The following SLX4IP variants were observed in gnomAD, a reference collection of about 807,000 sequenced individuals.
SLX4IP encodes the protein protein SLX4IP.
SLX4IP carries 34 observed loss-of-function variants against 32.9 expected under a neutral mutation model. The observed-to-expected ratio is 1.03, with a 90% CI of 0.79 to 1.38. SLX4IP has a LOEUF of 1.38. Among genes scored for constraint, SLX4IP ranks in the 40% most tolerant of loss-of-function variants. The pLI is 0.00. For missense variants in SLX4IP, 444 were observed against 479.0 expected (o/e 0.93, Z 0.68); for synonymous variants, 172 against 171.7 (o/e 1.00, Z -0.01).
chr20:10,457,657 G>A (rs1222769069), intron 1 of SLX4IP, among the ~76,000 whole-genome samples: 2 of 152,020 alleles, frequency 1.3e-5, no homozygotes, highest in East Asian at 3.8e-4. Context: ...ACATTGATGT[G>A]TGGTTTTCTT....
At chr20:10,455,157 C>A (rs963040122) in intron 1 of SLX4IP, among the ~76,000 whole-genome samples, 1 of 152,096 alleles carries the variant, frequency 6.6e-6, no homozygotes, top group Non-Finnish European at 1.5e-5. Flanking sequence ...GTATGATTTG[C>A]AGATTTTTTT....
chr20:10,493,327 T>C (rs928915709), intron 2 of SLX4IP, among the ~76,000 whole-genome samples: 5 of 152,214 alleles, frequency 3.3e-5, no homozygotes, highest in Admixed American at 2.0e-4. Context: ...TAGGTCTGTT[T>C]CCAGGCATTT....
chr20:10,575,728 A>G (rs1568749948), intron 4 of SLX4IP, among the ~76,000 whole-genome samples: 1 of 151,866 alleles, frequency 6.6e-6, no homozygotes, highest in Non-Finnish European at 1.5e-5. Context: ...TACTTGTAGC[A>G]TTCACCAGCT....
At chr20:10,468,382 C>T (rs1288919520) in intron 2 of SLX4IP, among the ~76,000 whole-genome samples, 1 of 152,172 alleles carries the variant, frequency 6.6e-6, no homozygotes, top group Non-Finnish European at 1.5e-5. Context: ...ACATCATATT[C>T]ATCATGTTAC....
chr20:10,534,184 G>T (rs1171931674), intron 2 of SLX4IP, among the ~76,000 whole-genome samples: 2 of 152,100 alleles, frequency 1.3e-5, no homozygotes, highest in Admixed American at 1.3e-4. Context: ...GAGAGGATTT[G>T]TAAGGCCCTG....
chr20:10,552,121 G>A (rs1192272512), intron 2 of SLX4IP, among the ~76,000 whole-genome samples: 2 of 152,246 alleles, frequency 1.3e-5, no homozygotes, highest in Admixed American at 6.5e-5. Context: ...TCCTCTGGGT[G>A]GAGGGGATAG....
chr20:10,623,531 G>A lies in SLX4IP; in HGVS notation c.*152G>A. 1 of 1,199,630 alleles carries A rather than the reference G, an allele frequency of 8.3e-7. No individual in the cohort carries two copies. The highest frequency in any genetic ancestry group is 1.1e-6 in the Non-Finnish European group (1 of 885,470). The allele number at this position is 1,199,630 out of a possible 1,614,324, so 74.3% of individuals were successfully genotyped here. On this transcript the variant is annotated 3_prime_UTR_variant, in exon 8 of 8. Transcript: ENST00000334534. ...GTTATCTGTGTTATGGCTATGGTTT[G>A]TTTTCAAAGCATTTCAAACCGGGAG...
At chr20:10,543,576 A>G (rs1362719291) in intron 2 of SLX4IP, among the ~76,000 whole-genome samples, 1 of 152,242 alleles carries the variant, frequency 6.6e-6, no homozygotes, top group Non-Finnish European at 1.5e-5. Flanking sequence ...ACAAGCCAGC[A>G]AAGGAGACTG....
chr20:10,621,550 C>T (rs997687710), intron 7 of SLX4IP, 136 bp downstream of exon 7: 2 of 712,936 alleles, frequency 2.8e-6, no homozygotes, highest in South Asian at 3.3e-5. Context: ...CTCTCCCCTC[C>T]CTCCTGACTC....
intron 7 of SLX4IP, 133 bp downstream of exon 7, chr20:10,621,547 C>T: frequency 1.4e-6 from 1 of 729,516 alleles, no homozygotes; most frequent in Non-Finnish European, 2.4e-6. Context: ...TTACTCTCCC[C>T]TCCCTCCTGA....
chr20:10,484,628 T>C (rs561492133), intron 2 of SLX4IP, among the ~76,000 whole-genome samples: 1 of 152,278 alleles, frequency 6.6e-6, no homozygotes, highest in Non-Finnish European at 1.5e-5. Flanking sequence ...GTTTTTAATA[T>C]AGGTGCTCCA....
At chr20:10,511,864 A>G (rs2065810503) in intron 2 of SLX4IP, among the ~76,000 whole-genome samples, 1 of 152,246 alleles carries the variant, frequency 6.6e-6, no homozygotes, top group African/African-American at 2.4e-5. Flanking sequence ...AATAATGTTC[A>G]TTAAGTATGA....
chr20:10,460,037 TA>T (rs1224205492), intron 2 of SLX4IP, among the ~76,000 whole-genome samples: 1 of 152,234 alleles, frequency 6.6e-6, no homozygotes, highest in Non-Finnish European at 1.5e-5. Context: ...AACATATTTA[TA>T]AATTTCATTG....
intron 2 of SLX4IP, among the ~76,000 whole-genome samples, chr20:10,521,177 T>A (rs894107777): frequency 6.6e-6 from 1 of 152,248 alleles, no homozygotes; most frequent in African/African-American, 2.4e-5. Context: ...GCAGCCTTGC[T>A]GATCTGTCTT....
intron 2 of SLX4IP, among the ~76,000 whole-genome samples, chr20:10,486,975 C>G (rs1300088534): frequency 2.0e-5 from 3 of 149,772 alleles, no homozygotes; most frequent in South Asian, 4.2e-4. Flanking sequence ...GTTGATTGTT[C>G]ATTTGATCAA....
intron 6 of SLX4IP, chr20:10,613,829 A>G: frequency 6.2e-7 from 1 of 1,608,448 alleles, no homozygotes; most frequent in African/African-American, 1.3e-5. Context: ...AGGCCTGCTT[A>G]ATATCAGCCA....
chr20:10,604,050 C>T (rs1395945269), intron 6 of SLX4IP, among the ~76,000 whole-genome samples: 1 of 152,238 alleles, frequency 6.6e-6, no homozygotes, highest in African/African-American at 2.4e-5. Flanking sequence ...CAAATGCCCA[C>T]AGCCAGTGAT....
chr20:10,614,877 A>G (rs1409778746), intron 6 of SLX4IP, among the ~76,000 whole-genome samples: 1 of 152,140 alleles, frequency 6.6e-6, no homozygotes, highest in Non-Finnish European at 1.5e-5. Flanking sequence ...GCCACATTTG[A>G]CTATGGAGTA....
chr20:10,588,594 C>G (rs1215131379), intron 4 of SLX4IP, among the ~76,000 whole-genome samples: 1 of 152,174 alleles, frequency 6.6e-6, no homozygotes, highest in Non-Finnish European at 1.5e-5. Flanking sequence ...GAAGGAAATC[C>G]TACTATTTGT....
Sources: gnomAD v4.1 joint callset for allele counts (sites outside exome capture counted in the v4.1 genomes callset) on GRCh38, gnomAD v4.1.1 for gene constraint, MANE v1.5 for transcripts, NCBI Gene and HGNC (gene_info 2026-07-23, HGNC 2026-07-21) for gene names.